Variants in FRMD5 observed in about 807,000 individuals in gnomAD.
The protein encoded by FRMD5 is FERM domain containing 5.
A neutral mutation model predicts 69.0 loss-of-function variants in FRMD5; 20 were observed. The ratio of observed to expected loss-of-function variants is 0.29; its 90% CI spans 0.20 to 0.42. The LOEUF is 0.42. Among genes scored for constraint, FRMD5 ranks in the 10% least tolerant of loss-of-function variants. FRMD5 has a pLI of 1.00. For missense variants in FRMD5, 595 were observed against 708.6 expected (o/e 0.84, Z 1.82); for synonymous variants, 271 against 260.1 (o/e 1.04, Z -0.40).
chr15:43,910,572 CAAAAAAAAAAA>C lies in FRMD5; in HGVS notation c.330-604_330-594del, dbSNP rs1167867396. Among the ~76,000 whole-genome samples, 241 of 40,374 alleles carry C rather than the reference CAAAAAAAAAAA, an allele frequency of 6.0e-3. 4 individuals carry two copies. Among genetic ancestry groups the C allele is most frequent in the African/African-American group, 0.015 (214 of 13,842 alleles). 26.5% of individuals were successfully genotyped at this position (40,374 alleles called of 152,430 possible). Reference sequence around the variant, plus strand: ...CTGGGCAATCGGAGAGACCTTGTCTCAAAAAAAAAAAAAAAAAAAAAAAAAAAATTGCAACA... The same window carrying C: ...CTGGGCAATCGGAGAGACCTTGTCTCAAAAAAAAAAAAAAAAATTGCAACA... On this transcript the variant is annotated intron_variant, in intron 4 of 13. Transcript: ENST00000417257.
intron 1 of FRMD5, among the ~76,000 whole-genome samples, chr15:44,143,155 T>C (rs921240445): frequency 1.3e-5 from 2 of 151,720 alleles, no homozygotes; most frequent in African/African-American, 4.8e-5. Context: ...AGATAAGTTA[T>C]AAAACTCAGC....
intron 1 of FRMD5, among the ~76,000 whole-genome samples, chr15:44,086,057 C>CT (rs1351658101): frequency 6.6e-5 from 10 of 152,050 alleles, no homozygotes; most frequent in Non-Finnish European, 1.3e-4. Context: ...GGCCTGAAGA[C>CT]TGCAGGAATG....
rs909607560 is a variant in FRMD5, at chr15:43,892,052, A to C, written c.657T>G (p.Ala219=). ...PHPCKDVSGN[A]AFLAFTPFGF... Reference sequence around the variant, plus strand: ...CAAAAGGAGTGAAGGCCAGAAATGCAGCATTTCCTGACACGTCCTGCAACA... The same window carrying C: ...CAAAAGGAGTGAAGGCCAGAAATGCCGCATTTCCTGACACGTCCTGCAACA... Residue 219 remains alanine (A), a synonymous_variant, in exon 8 of 14, where the codon GCT becomes GCG. Coordinates refer to ENST00000417257, the MANE Select transcript of FRMD5 (RefSeq NM_032892.5). The C allele has an allele frequency of 6.2e-7, 1 of 1,614,132 alleles. No individual in the cohort carries two copies. Among genetic ancestry groups the C allele is most frequent in the Non-Finnish European group, 8.5e-7 (1 of 1,179,974 alleles).
Position 43,873,220 on chromosome 15 carries a change from A to C in FRMD5, c.*665T>G. 6.4e-7 allele frequency: 1 copy of C among 1,550,398 alleles called. No individual in the cohort carries two copies. Among genetic ancestry groups the C allele is most frequent in the Non-Finnish European group, 8.7e-7 (1 of 1,146,940 alleles). Reference sequence around the variant, plus strand: ...GTAGCGGTGGTCCCTTCAGATGCCCACTCTGCTCAGATTTGAAAAAACAAA... The same window carrying C: ...GTAGCGGTGGTCCCTTCAGATGCCCCCTCTGCTCAGATTTGAAAAAACAAA... On this transcript the variant is annotated 3_prime_UTR_variant, in exon 14 of 14. Coordinates refer to ENST00000417257, the MANE Select transcript of FRMD5 (RefSeq NM_032892.5).
chr15:44,182,759 G>A (rs2078027771), intron 1 of FRMD5, among the ~76,000 whole-genome samples: 3 of 152,068 alleles, frequency 2.0e-5, no homozygotes, highest in African/African-American at 7.2e-5. Flanking sequence ...TCTTCAAACA[G>A]TTCACAGTAC....
At chr15:44,096,678 C>T (rs1198756623) in intron 1 of FRMD5, among the ~76,000 whole-genome samples, 1 of 152,174 alleles carries the variant, frequency 6.6e-6, no homozygotes, top group East Asian at 1.9e-4. Context: ...GCTGGGATTA[C>T]AGCACTTTGT....
intron 5 of FRMD5, among the ~76,000 whole-genome samples, chr15:43,908,321 CT>C (rs1451305467): frequency 1.3e-5 from 1 of 75,472 alleles, no homozygotes; most frequent in African/African-American, 3.5e-5. Context: ...GAGCCAGATC[CT>C]GTCTCAAAAA....
intron 1 of FRMD5, among the ~76,000 whole-genome samples, chr15:43,933,268 G>A (rs542756405): frequency 1.3e-5 from 2 of 152,332 alleles, no homozygotes; most frequent in African/African-American, 4.8e-5. Flanking sequence ...CAAGATAGGA[G>A]GCAGACAGCT....
At chr15:43,977,160 G>T (rs1027281970) in intron 1 of FRMD5, among the ~76,000 whole-genome samples, 1 of 152,108 alleles carries the variant, frequency 6.6e-6, no homozygotes, top group Non-Finnish European at 1.5e-5. Flanking sequence ...ATAGGGGAGG[G>T]GTTGGGGAAG....
Position 43,888,798 on chromosome 15 carries a change from C to A in FRMD5, c.792+11G>T. The A allele has an allele frequency of 6.2e-7, 1 of 1,610,784 alleles. No homozygotes were observed. The highest frequency in any genetic ancestry group is 8.5e-7 in the Non-Finnish European group (1 of 1,176,986). ...CCAGCCCTCCTTGAAGAGAAGGAAGCCAGCACTCACCTCTTTCTGACTTAC... is the reference window on the plus strand; with the variant it reads ...CCAGCCCTCCTTGAAGAGAAGGAAGACAGCACTCACCTCTTTCTGACTTAC... On this transcript the variant is annotated intron_variant, in intron 9 of 13. Transcript: ENST00000417257.
intron 1 of FRMD5, among the ~76,000 whole-genome samples, chr15:44,039,672 C>G (rs1428853703): frequency 6.6e-6 from 1 of 152,124 alleles, no homozygotes; most frequent in Non-Finnish European, 1.5e-5. Flanking sequence ...ATCTGAAGGG[C>G]ACCGACTTCA....
intron 1 of FRMD5, among the ~76,000 whole-genome samples, chr15:44,154,577 G>A (rs1456840893): frequency 1.3e-5 from 2 of 152,166 alleles, no homozygotes; most frequent in Non-Finnish European, 1.5e-5. Flanking sequence ...GAAACTGCTT[G>A]GTAGATACTT....
chr15:44,071,425 TAAACAAAACAAAACAAAACA>T (rs140305798), intron 1 of FRMD5, among the ~76,000 whole-genome samples: 1 of 151,078 alleles, frequency 6.6e-6, no homozygotes, highest in Non-Finnish European at 1.5e-5. Context: ...AGACCCTGTC[TAAACAAAACAAAACAAAACA>T]AAACAAAACA....
chr15:44,130,213 T>C (rs972924755), intron 1 of FRMD5, among the ~76,000 whole-genome samples: 2 of 152,194 alleles, frequency 1.3e-5, no homozygotes, highest in Non-Finnish European at 2.9e-5. Flanking sequence ...CTGTGCAAGG[T>C]GAGGACCATG....
chr15:43,978,095 C>G (rs1005830850), intron 1 of FRMD5, among the ~76,000 whole-genome samples: 1 of 152,124 alleles, frequency 6.6e-6, no homozygotes, highest in Non-Finnish European at 1.5e-5. Context: ...GATTCCTGAC[C>G]GGGACCGCTT....
intron 12 of FRMD5, 39 bp downstream of exon 12, chr15:43,884,688 G>A: frequency 6.3e-7 from 1 of 1,581,370 alleles, no homozygotes; most frequent in Non-Finnish European, 8.7e-7. Flanking sequence ...TCTGGGATCT[G>A]AGCTACAACT....
rs535279705 is a variant in FRMD5, at chr15:44,074,508, G to GT, written c.102+120444dup. Reference sequence around the variant, plus strand: ...AATCACAGAGCTGAATTTTTTTTTTGTTTTTTTTTTCTTGAGACAGAGTTT... The same window carrying GT: ...AATCACAGAGCTGAATTTTTTTTTTGTTTTTTTTTTTCTTGAGACAGAGTTT... On this transcript the variant is annotated intron_variant, in intron 1 of 13. Transcript: ENST00000417257. Among the ~76,000 whole-genome samples, 829 of 147,818 alleles carry GT rather than the reference G, an allele frequency of 5.6e-3. 4 individuals carry two copies. Among genetic ancestry groups the GT allele is most frequent in the Non-Finnish European group, 8.9e-3 (594 of 66,398 alleles).
At chr15:43,943,699 G>A (rs1172845667) in intron 1 of FRMD5, among the ~76,000 whole-genome samples, 4 of 152,216 alleles carry the variant, frequency 2.6e-5, no homozygotes, top group Non-Finnish European at 5.9e-5. Flanking sequence ...AGCAAGGAAT[G>A]GCAAGGATTG....
At chr15:44,097,086 G>A (rs2076564788) in intron 1 of FRMD5, among the ~76,000 whole-genome samples, 1 of 152,184 alleles carries the variant, frequency 6.6e-6, no homozygotes, top group South Asian at 2.1e-4. Context: ...ATGTAATGAT[G>A]CAAAATTATA....
Sources: allele counts gnomAD v4.1 joint callset (sites outside exome capture counted in the v4.1 genomes callset), GRCh38; gene constraint gnomAD v4.1.1; transcripts MANE v1.5; gene names NCBI Gene and HGNC (gene_info 2026-07-23, HGNC 2026-07-21).